The following NCAM2 variants were observed in gnomAD, a reference collection of about 807,000 sequenced individuals.
NCAM2 encodes the protein N-CAM-2.
A neutral mutation model predicts 98.1 loss-of-function variants in NCAM2; 30 were observed. The observed-to-expected ratio is 0.31, with a 90% CI of 0.23 to 0.41. The LOEUF (loss-of-function observed/expected upper bound fraction) is 0.41. NCAM2 is among the 10% of genes least tolerant of loss of function. The pLI is 1.00. For synonymous variants in NCAM2, 368 were observed against 342.4 expected, an observed-to-expected ratio of 1.07 and a Z score of -0.83; for missense variants, 867 against 1,005.8, an observed-to-expected ratio of 0.86 and a Z score of 1.87.
At chr21:21,098,624 G>T (rs1224328678) in intron 1 of NCAM2, among the ~76,000 whole-genome samples, 1 of 151,676 alleles carries the variant, frequency 6.6e-6, no homozygotes, top group African/African-American at 2.4e-5. Flanking sequence ...GTAAACTGAG[G>T]CTCAATATAT....
chr21:21,265,430 T>A (rs1487718536), intron 1 of NCAM2, among the ~76,000 whole-genome samples: 8 of 38,006 alleles, frequency 2.1e-4, no homozygotes, highest in Non-Finnish European at 3.5e-4. Flanking sequence ...TATATGTGTG[T>A]ATATATATTA....
chr21:21,259,370 G>A (rs759630128), intron 1 of NCAM2, among the ~76,000 whole-genome samples: 10 of 151,506 alleles, frequency 6.6e-5, no homozygotes, highest in African/African-American at 9.7e-5. Flanking sequence ...ACTGAAAGTC[G>A]TAAGTCCTGC....
chr21:21,123,632 A>G (rs2146576884), intron 1 of NCAM2, among the ~76,000 whole-genome samples: 1 of 152,128 alleles, frequency 6.6e-6, no homozygotes, highest in African/African-American at 2.4e-5. Flanking sequence ...TTCTTTAACA[A>G]ATATGTCTGA....
intron 5 of NCAM2, among the ~76,000 whole-genome samples, chr21:21,298,916 A>G (rs940566911): frequency 3.3e-5 from 5 of 151,094 alleles, no homozygotes; most frequent in Admixed American, 2.7e-4. Flanking sequence ...ATCTGTTTCA[A>G]GTGTAACAGT....
Position 21,335,504 on chromosome 21 carries a change from G to A in NCAM2, c.738-1G>A, listed in dbSNP as rs1180697696. On this transcript the variant is annotated splice_acceptor_variant, in intron 6 of 17. Transcript: ENST00000400546. LOFTEE classifies it high-confidence loss of function. ...GGATGAACCTCTTTTTTCTTCTTTA[G>A]GAATGGCAAGCTCATTGAAGAAAAT... The A allele has an allele frequency of 6.3e-7, 1 of 1,578,732 alleles. No homozygotes were observed. The highest frequency in any genetic ancestry group is 1.9e-5 in the Admixed American group (1 of 52,774).
intron 1 of NCAM2, among the ~76,000 whole-genome samples, chr21:21,171,559 C>G (rs149372637): frequency 6.6e-6 from 1 of 152,230 alleles, no homozygotes; most frequent in East Asian, 1.9e-4. Context: ...CATACTGGTT[C>G]CCACTTTGCT....
chr21:21,162,653 C>G (rs2067820798), intron 1 of NCAM2, among the ~76,000 whole-genome samples: 1 of 152,058 alleles, frequency 6.6e-6, no homozygotes, highest in Non-Finnish European at 1.5e-5. Context: ...TTACTATATT[C>G]CAGTCTTATG....
intron 9 of NCAM2, among the ~76,000 whole-genome samples, chr21:21,375,221 CAAA>C (rs201564357): frequency 7.4e-6 from 1 of 134,524 alleles, no homozygotes; most frequent in Non-Finnish European, 1.6e-5. Flanking sequence ...AAAACAAAAA[CAAA>C]AAAAAAAACA....
intron 5 of NCAM2, among the ~76,000 whole-genome samples, chr21:21,315,444 C>G (rs576576015): frequency 6.6e-6 from 1 of 152,184 alleles, no homozygotes; most frequent in African/African-American, 2.4e-5. Context: ...TTATCTCTCT[C>G]TGCCCCAACT....
chr21:21,225,524 G>A (rs935823227), intron 1 of NCAM2, among the ~76,000 whole-genome samples: 1 of 152,038 alleles, frequency 6.6e-6, no homozygotes, highest in Non-Finnish European at 1.5e-5. Context: ...TAATGTCATA[G>A]TTGTATCTCA....
At position 21,290,653 on chromosome 21, in the gene NCAM2, A is replaced by G. The variant is rs577014301; in HGVS notation, c.482-1451A>G. On this transcript the variant is annotated intron_variant, in intron 4 of 17. Transcript: ENST00000400546. ...ATGTGGCCGTAGCATTAGAATCACT[A>G]TTTTCACTTTGGGGGAGCCTCTGAA... Among the ~76,000 whole-genome samples, 3 of 151,844 alleles carry G rather than the reference A, an allele frequency of 2.0e-5. No individual in the cohort carries two copies. The East Asian group carries it at 5.8e-4, about 30-fold the overall frequency.
chr21:21,242,421 G>T (rs1330423669), intron 1 of NCAM2, among the ~76,000 whole-genome samples: 2 of 152,120 alleles, frequency 1.3e-5, no homozygotes, highest in Non-Finnish European at 2.9e-5. Context: ...CTGTACAATA[G>T]ATTGATAAAG....
chr21:21,277,936 T>C (rs1019770954), intron 1 of NCAM2, among the ~76,000 whole-genome samples: 5 of 152,088 alleles, frequency 3.3e-5, no homozygotes, highest in African/African-American at 1.2e-4. Flanking sequence ...TGATTGATGG[T>C]GACTAAAAAT....
At chr21:21,174,427 A>G (rs1164145037) in intron 1 of NCAM2, among the ~76,000 whole-genome samples, 1 of 152,144 alleles carries the variant, frequency 6.6e-6, no homozygotes, top group African/African-American at 2.4e-5. Flanking sequence ...ATTAGTTTTT[A>G]TCTGAAAAAC....
chr21:21,180,299 A>C (rs1454676977), intron 1 of NCAM2, among the ~76,000 whole-genome samples: 1 of 152,178 alleles, frequency 6.6e-6, no homozygotes, highest in Non-Finnish European at 1.5e-5. Context: ...ACATGTGATA[A>C]ATTCTATTTA....
chr21:21,147,041 G>T (rs546963898), intron 1 of NCAM2: 1 of 931,354 alleles, frequency 1.1e-6, no homozygotes, highest in Admixed American at 6.4e-5. Context: ...GTCCCACTCC[G>T]GAACTCATAC....
chr21:21,404,401 G>A (rs2076694602), intron 9 of NCAM2, among the ~76,000 whole-genome samples: 1 of 152,082 alleles, frequency 6.6e-6, no homozygotes, highest in African/African-American at 2.4e-5. Context: ...TCTCACGAGA[G>A]CTGATGGTTT....
At chr21:21,437,318 G>T (rs1285448357) in intron 12 of NCAM2, among the ~76,000 whole-genome samples, 1 of 151,972 alleles carries the variant, frequency 6.6e-6, no homozygotes, top group African/African-American at 2.4e-5. Context: ...TTCCACTGGG[G>T]CATGCCAGAA....
At chr21:21,292,557 T>C (rs1370262967) in intron 5 of NCAM2, among the ~76,000 whole-genome samples, 2 of 151,980 alleles carry the variant, frequency 1.3e-5, no homozygotes, top group East Asian at 1.9e-4. Context: ...TAAATGTTAC[T>C]TTTAAATTAC....
Sources: gnomAD v4.1 joint callset for allele counts (sites outside exome capture counted in the v4.1 genomes callset) on GRCh38, gnomAD v4.1.1 for gene constraint, MANE v1.5 for transcripts, NCBI Gene and HGNC (gene_info 2026-07-23, HGNC 2026-07-21) for gene names.